SEC24A: variants seen among roughly 807,000 people sequenced by gnomAD.
SEC24A encodes the protein SEC24 homolog A, COPII component, also known as protein transport protein Sec24A.
SEC24A carries 93 observed loss-of-function variants against 129.4 expected under a neutral mutation model. The ratio of observed to expected loss-of-function variants is 0.72; its 90% CI spans 0.61 to 0.85. The LOEUF (loss-of-function observed/expected upper bound fraction) is 0.85, where lower values mean the gene tolerates loss of function less well. Ranked by LOEUF, SEC24A falls within the 40% of genes least tolerant of loss-of-function variation. SEC24A has a pLI of 0.00. For missense variants in SEC24A, 1,264 were observed against 1,307.4 expected (o/e 0.97, Z 0.51); for synonymous variants, 460 against 467.3 (o/e 0.98, Z 0.20).
At chr5:134,673,247 G>T (rs550637428) in intron 4 of SEC24A, among the ~76,000 whole-genome samples, 1 of 151,304 alleles carries the variant, frequency 6.6e-6, no homozygotes. Context: ...GTAGAGATAG[G>T]GTTTAACCAC....
intron 15 of SEC24A, chr5:134,701,375 A>G (rs1224835880): frequency 6.6e-6 from 1 of 152,144 alleles, no homozygotes; most frequent in African/African-American, 2.4e-5. Flanking sequence ...TTCTGCAGAT[A>G]CCTGTTATAA....
intron 15 of SEC24A, among the ~76,000 whole-genome samples, chr5:134,699,362 G>A (rs1473874468): frequency 6.7e-6 from 1 of 148,994 alleles, no homozygotes; most frequent in African/African-American, 2.5e-5. Flanking sequence ...GCAGTGGCAC[G>A]ATCTCAGCTC....
chr5:134,662,381 C>G (rs1049580381), intron 2 of SEC24A, among the ~76,000 whole-genome samples: 3 of 152,044 alleles, frequency 2.0e-5, no homozygotes, highest in Non-Finnish European at 4.4e-5. Context: ...GTCTCGATCT[C>G]CTGACCTCGT....
chr5:134,721,981 A>G (rs1295153557), intron 21 of SEC24A, among the ~76,000 whole-genome samples: 3 of 152,246 alleles, frequency 2.0e-5, no homozygotes, highest in Non-Finnish European at 2.9e-5. Flanking sequence ...GTTTTAGGTA[A>G]TGAGTAAGAA....
In SEC24A at chr5:134,649,106, C is replaced by T; in HGVS notation, c.30C>T (p.Gly10=). 6.2e-7 allele frequency: 1 copy of T among 1,609,650 alleles called. No homozygotes were observed. Residue 10 remains glycine (G), a synonymous_variant, in exon 1 of 23, where the codon GGC becomes GGT. Transcript: ENST00000398844. ...CCCAGCCGGGAATACCGGCCTCCGG[C>T]GGCGCCCCAGCCAGCCTCCAGGCCC... The part of the protein sequence containing the change: MSQPGIPAS[G]GAPASLQAQN...
chr5:134,692,057 CTTTTTTTTT>C (rs61531967), intron 11 of SEC24A, among the ~76,000 whole-genome samples: 1 of 127,942 alleles, frequency 7.8e-6, no homozygotes, highest in Non-Finnish European at 1.7e-5. Context: ...TTTTTCTTTC[CTTTTTTTTT>C]TTTTTTTTTG....
At chr5:134,698,151 G>T in intron 15 of SEC24A, 94 bp downstream of exon 15, 2 of 1,061,236 alleles carry the variant, frequency 1.9e-6, no homozygotes, top group Non-Finnish European at 2.7e-6. Flanking sequence ...TTGCCCTTCT[G>T]AGATACTTTG....
chr5:134,724,901 A>T (rs530407029), intron 22 of SEC24A, 79 bp from the exon 23 acceptor site: 1 of 729,438 alleles, frequency 1.4e-6, no homozygotes, highest in African/African-American at 1.7e-5. Flanking sequence ...TATTAGGGTT[A>T]TGAGGAAATC....
intron 1 of SEC24A, among the ~76,000 whole-genome samples, chr5:134,660,546 C>T (rs992390627): frequency 2.6e-5 from 4 of 151,524 alleles, no homozygotes; most frequent in African/African-American, 9.7e-5. Context: ...CTCTGTATTC[C>T]CTCTGTTACT....
chr5:134,705,070 T>TTATATTTA (rs1554141295), intron 16 of SEC24A, among the ~76,000 whole-genome samples: 1 of 133,350 alleles, frequency 7.5e-6, no homozygotes, highest in African/African-American at 2.8e-5. Context: ...ATATTTATAT[T>TTATATTTA]TATATATATA....
rs1444576685 is a variant in SEC24A at position 134,693,820 on chromosome 5, A to G, written c.1873A>G (p.Lys625Glu). ...ALGPALQAAF[K>E]LMSPTGGRMS... ...GGGTCCTGCACTGCAGGCTGCCTTT[A>G]AGCTGATGTCTCCAACTGGTGGTCG... is the stretch of plus-strand genomic sequence containing the variant. Residue 625 changes from lysine to glutamate, a missense_variant, in exon 13 of 23, where the codon AAG becomes GAG. Coordinates refer to ENST00000398844, the MANE Select transcript of SEC24A (RefSeq NM_021982.3). The G allele has an allele frequency of 1.2e-6, 2 of 1,614,084 alleles. No homozygotes were observed. Among genetic ancestry groups the G allele is most frequent in the African/African-American group, 2.7e-5 (2 of 75,002 alleles).
At chr5:134,676,438 CT>C (rs34581398) in intron 7 of SEC24A, among the ~76,000 whole-genome samples, 2,483 of 84,116 alleles carry the variant, frequency 0.03, 39 homozygotes, top group African/African-American at 0.076. Context: ...GCGCCCGGCT[CT>C]TTTTTTTTTT....
In SEC24A at chr5:134,666,854, T is replaced by C. The variant is rs991334614; in HGVS notation, c.597T>C (p.Pro199=). ...GPSVPPLVNP[P]LPTTFQPGAP... Reference sequence around the variant, plus strand: ...CTGTACCTCCCTTAGTGAATCCACCTCTGCCTACAACTTTTCAACCAGGAG... The same window carrying C: ...CTGTACCTCCCTTAGTGAATCCACCCCTGCCTACAACTTTTCAACCAGGAG... Residue 199 remains proline, a synonymous_variant, in exon 3 of 23, where the codon CCT becomes CCC. Transcript: ENST00000398844. 1 of 1,613,974 alleles carries C rather than the reference T, an allele frequency of 6.2e-7. No homozygotes were observed. The highest frequency in any genetic ancestry group is 1.3e-5 in the African/African-American group (1 of 74,914).
At chr5:134,661,045 A>G (rs1750437899) in intron 1 of SEC24A, 74 bp from the exon 2 acceptor site, 1 of 1,050,798 alleles carries the variant, frequency 9.5e-7, no homozygotes, top group Non-Finnish European at 1.4e-6. Context: ...CTGTAAGAAT[A>G]TATGTTTTAC....
At chr5:134,713,913 G>A (rs1039861137) in intron 18 of SEC24A, among the ~76,000 whole-genome samples, 74 of 150,704 alleles carry the variant, frequency 4.9e-4, no homozygotes, top group African/African-American at 1.5e-3. Flanking sequence ...GTGGTGTCGC[G>A]CACCTGTAAT....
intron 1 of SEC24A, among the ~76,000 whole-genome samples, chr5:134,658,734 G>T (rs1274146121): frequency 1.3e-5 from 2 of 152,142 alleles, no homozygotes; most frequent in Admixed American, 6.6e-5. Flanking sequence ...GGGAAGAATG[G>T]GGTGGGGGAG....
chr5:134,716,953 C>T (rs1752494226), intron 19 of SEC24A, among the ~76,000 whole-genome samples: 1 of 149,800 alleles, frequency 6.7e-6, no homozygotes, highest in African/African-American at 2.5e-5. Context: ...GATCTCGGCT[C>T]ACCGCAGCCT....
rs556778300 is a variant in SEC24A, at chr5:134,717,288, G to A, written c.2866-781G>A. 6.8e-4 allele frequency among the ~76,000 whole-genome samples: 103 copies of A among 152,078 alleles called. 1 individual carries two copies. Among genetic ancestry groups the A allele is most frequent in the African/African-American group, 2.5e-3 (102 of 41,516 alleles). On this transcript the variant is annotated intron_variant, in intron 19 of 22. Transcript: ENST00000398844. ...GGAGGCCGAGGCAGGTGGATCACCT[G>A]AAGTTTGAGGAGTTTGAGACCAGCC...
At chr5:134,710,548 A>G (rs181450860) in intron 18 of SEC24A, among the ~76,000 whole-genome samples, 1 of 152,044 alleles carries the variant, frequency 6.6e-6, no homozygotes, top group Non-Finnish European at 1.5e-5. Context: ...TCTTCTTTAG[A>G]TACACTTTCT....
Sources: gnomAD v4.1 joint callset for allele counts (sites outside exome capture counted in the v4.1 genomes callset) on GRCh38, gnomAD v4.1.1 for gene constraint, MANE v1.5 for transcripts, NCBI Gene and HGNC (gene_info 2026-07-23, HGNC 2026-07-21) for gene names.